MAGI2: variants seen among roughly 807,000 people sequenced by gnomAD.
MAGI2 encodes the protein membrane associated guanylate kinase, WW and PDZ domain containing 2.
MAGI2 carries 35 observed loss-of-function variants against 133.3 expected under a neutral mutation model. That is an observed-to-expected ratio of 0.26 (90% CI 0.20 to 0.35). The LOEUF (loss-of-function observed/expected upper bound fraction) is 0.35, where lower values mean the gene tolerates loss of function less well. MAGI2 is among the 10% of genes least tolerant of loss of function. MAGI2 has a pLI of 1.00. For synonymous variants in MAGI2, 729 were observed against 710.6 expected (o/e 1.03, Z -0.41); for missense variants, 1,636 against 1,863.4 (o/e 0.88, Z 2.25).
At chr7:78,786,612 C>A (rs552103128) in intron 2 of MAGI2, among the ~76,000 whole-genome samples, 1 of 152,268 alleles carries the variant, frequency 6.6e-6, no homozygotes, top group South Asian at 2.1e-4. Context: ...TTGTGTTTGA[C>A]GGCCCTCTGC....
At chr7:78,943,159 T>C (rs1801126508) in intron 2 of MAGI2, among the ~76,000 whole-genome samples, 1 of 152,122 alleles carries the variant, frequency 6.6e-6, no homozygotes, top group Non-Finnish European at 1.5e-5. Context: ...ATGAGAGCTT[T>C]ATGAAAAAAC....
chr7:79,093,044 T>C (rs1457973653), intron 1 of MAGI2, among the ~76,000 whole-genome samples: 2 of 152,148 alleles, frequency 1.3e-5, no homozygotes, highest in East Asian at 3.8e-4. Context: ...GTATTATAAA[T>C]AATTTTTTTA....
At chr7:79,296,054 A>G (rs1015634120) in intron 1 of MAGI2, among the ~76,000 whole-genome samples, 1 of 152,202 alleles carries the variant, frequency 6.6e-6, no homozygotes, top group Non-Finnish European at 1.5e-5. Flanking sequence ...CTAATTGTGC[A>G]TTAACTCAGA....
At chr7:78,301,149 G>A (rs1277070259) in intron 9 of MAGI2, among the ~76,000 whole-genome samples, 1 of 152,154 alleles carries the variant, frequency 6.6e-6, no homozygotes, top group East Asian at 1.9e-4. Context: ...TTCCATGGGT[G>A]CTAATTTAGA....
intron 9 of MAGI2, among the ~76,000 whole-genome samples, chr7:78,296,248 T>A (rs1425097725): frequency 2.6e-5 from 4 of 152,210 alleles, no homozygotes; most frequent in Non-Finnish European, 5.9e-5. Context: ...CTGTGTTCTA[T>A]GAGGTCCTAC....
chr7:79,203,278 G>C (rs1828767983), intron 1 of MAGI2, among the ~76,000 whole-genome samples: 1 of 151,948 alleles, frequency 6.6e-6, no homozygotes, highest in South Asian at 2.1e-4. Context: ...ATAACAAATA[G>C]AGTGATCTTT....
intron 1 of MAGI2, among the ~76,000 whole-genome samples, chr7:79,100,816 A>C (rs1308531977): frequency 2.0e-5 from 3 of 151,886 alleles, no homozygotes; most frequent in Non-Finnish European, 4.4e-5. Context: ...TATTTCCAAA[A>C]TATTTTAATC....
At chr7:79,171,760 A>T (rs1457027943) in intron 1 of MAGI2, among the ~76,000 whole-genome samples, 4 of 32,284 alleles carry the variant, frequency 1.2e-4, no homozygotes, top group Non-Finnish European at 2.9e-4. Context: ...ATATATATAT[A>T]TATATATATA....
chr7:78,019,491 C>G lies in MAGI2; in HGVS notation c.4192G>C (p.Gly1398Arg), dbSNP rs1290081436. Residue 1398 changes from glycine to arginine, a missense_variant, in exon 22 of 22, where the codon GGC becomes CGC. Gly to Arg is a moderately radical substitution (Grantham distance 125, BLOSUM62 -2). This residue lies in a region of MAGI2 where 354 missense variants were observed against 298.7 expected (regional missense o/e 1.19). Coordinates refer to ENST00000354212, the MANE Select transcript of MAGI2 (RefSeq NM_012301.4). ...AFAGPGGGGSGALEAEGRAGA... is the reference protein window; with the variant it reads ...AFAGPGGGGSRALEAEGRAGA... ...GCCCTGCCCTCGGCCTCCAGCGCGC[C>G]GCTGCCGCCGCCGCCCGGGCCGGCA... 7.3e-5 allele frequency: 72 copies of G among 980,210 alleles called. No homozygotes were observed. Among genetic ancestry groups the G allele is most frequent in the Non-Finnish European group, 8.5e-5 (70 of 828,144 alleles). The allele number at this position is 980,210 out of a possible 1,614,324, so 60.7% of individuals were successfully genotyped here. A position where few individuals can be genotyped will look rare whatever the true frequency, so the allele number is the denominator to read the frequency against.
chr7:79,292,008 T>C (rs1235251491), intron 1 of MAGI2, among the ~76,000 whole-genome samples: 3 of 152,208 alleles, frequency 2.0e-5, no homozygotes, highest in Non-Finnish European at 4.4e-5. Context: ...CTTATTCCTA[T>C]GTTTTCTTCC....
chr7:78,884,025 T>C (rs755577008), intron 2 of MAGI2, among the ~76,000 whole-genome samples: 2 of 152,292 alleles, frequency 1.3e-5, no homozygotes, highest in South Asian at 4.1e-4. Context: ...TAAACTATTG[T>C]GCTTTGGAGC....
intron 2 of MAGI2, among the ~76,000 whole-genome samples, chr7:79,000,545 CTG>C (rs1321209849): frequency 2.6e-5 from 4 of 152,128 alleles, no homozygotes; most frequent in Non-Finnish European, 5.9e-5. Flanking sequence ...TAACAGTCCT[CTG>C]TGATCATAGT....
intron 1 of MAGI2, among the ~76,000 whole-genome samples, chr7:79,229,286 CT>C (rs1831146371): frequency 6.6e-6 from 1 of 152,076 alleles, no homozygotes; most frequent in Admixed American, 6.5e-5. Context: ...TTGTTTTTTT[CT>C]ACCTCCCCTG....
chr7:79,093,658 C>T (rs929715982), intron 1 of MAGI2, among the ~76,000 whole-genome samples: 1 of 150,914 alleles, frequency 6.6e-6, no homozygotes. Context: ...GGTTTGGGTG[C>T]TGTGGCAATT....
chr7:78,537,376 T>C (rs1008882113), intron 3 of MAGI2, among the ~76,000 whole-genome samples: 10 of 152,230 alleles, frequency 6.6e-5, no homozygotes, highest in Admixed American at 6.5e-4. Context: ...GTGGGATTGC[T>C]GGATAGAATG....
At chr7:78,249,623 C>T (rs371803871) in intron 10 of MAGI2, among the ~76,000 whole-genome samples, 26 of 151,952 alleles carry the variant, frequency 1.7e-4, no homozygotes, top group Middle Eastern at 3.4e-3. Context: ...AAATACTGCA[C>T]GATCTCACTT....
intron 6 of MAGI2, among the ~76,000 whole-genome samples, chr7:78,469,988 C>T (rs1791029194): frequency 6.6e-6 from 1 of 152,154 alleles, no homozygotes; most frequent in South Asian, 2.1e-4. Context: ...TGTGGCTTCG[C>T]TAAATGCCGT....
In MAGI2 at chr7:79,058,845, G is replaced by A. The variant is rs377075448; in HGVS notation, c.302-51639C>T. Among the ~76,000 whole-genome samples the A allele has an allele frequency of 5.3e-5, 8 of 152,054 alleles. No individual in the cohort carries two copies. In the East Asian group the frequency reaches 9.6e-4, roughly 18 times the overall value. On this transcript the variant is annotated intron_variant, in intron 1 of 21. Transcript: ENST00000354212. ...CAGAGTTAAAATACCAGTGATGCAG[G>A]GCACCCCTGGGTAAATTACTTTTCC... is the stretch of plus-strand genomic sequence containing the variant.
intron 2 of MAGI2, among the ~76,000 whole-genome samples, chr7:78,947,425 G>A (rs367604951): frequency 6.6e-6 from 1 of 152,218 alleles, no homozygotes; most frequent in African/African-American, 2.4e-5. Flanking sequence ...CAAAGGAAAA[G>A]AAGAACTGTG....
Sources: gnomAD v4.1 joint callset for allele counts (sites outside exome capture counted in the v4.1 genomes callset) on GRCh38, gnomAD v4.1.1 for gene constraint, gnomAD v4.1.1 regional missense constraint, MANE v1.5 for transcripts, NCBI Gene and HGNC (gene_info 2026-07-23, HGNC 2026-07-21) for gene names.